The following GABRA3 variants were observed in gnomAD, a reference collection of about 807,000 sequenced individuals.
GABRA3 encodes gamma-aminobutyric acid receptor subunit alpha-3.
GABRA3 carries 10 observed loss-of-function variants against 30.1 expected under a neutral mutation model. The ratio of observed to expected loss-of-function variants is 0.33; its 90% CI spans 0.20 to 0.56. GABRA3 has a LOEUF of 0.56. Ranked by LOEUF, GABRA3 falls within the 20% of genes least tolerant of loss-of-function variation. The pLI is 0.89. For missense variants in GABRA3, 233 were observed against 392.0 expected, an observed-to-expected ratio of 0.59 and a Z score of 3.42; for synonymous variants, 151 against 146.8, an observed-to-expected ratio of 1.03 and a Z score of -0.21.
In GABRA3 at chrX:152,432,660, C is replaced by T. The variant is rs73626664; in HGVS notation, c.-27+18486G>A. ...ATACAATAAAAAAAGAATGGGATCA[C>T]ACCAGGATCTAAAATCAGTTTTATT... On this transcript the variant is annotated intron_variant, in intron 1 of 9. Coordinates refer to ENST00000370314, the MANE Select transcript of GABRA3 (RefSeq NM_000808.4). 2.8e-3 allele frequency among the ~76,000 whole-genome samples: 316 copies of T among 111,276 alleles called. 1 individual carries two copies. The highest frequency in any genetic ancestry group is 1.0e-2 in the African/African-American group (306 of 30,711).
intron 8 of GABRA3, among the ~76,000 whole-genome samples, chrX:152,192,631 A>G (rs992298273): frequency 9.8e-5 from 11 of 111,678 alleles, no homozygotes; most frequent in South Asian, 3.8e-4. Context: ...AAAAATTTAG[A>G]TATTTCAGAC....
intron 3 of GABRA3, among the ~76,000 whole-genome samples, chrX:152,328,508 A>G (rs1054402572): frequency 8.0e-5 from 9 of 112,096 alleles, no homozygotes; most frequent in Non-Finnish European, 1.7e-4. Flanking sequence ...ACCACGATCA[A>G]GTTAGCTTCA....
chrX:152,180,695 C>T (rs768542249), intron 9 of GABRA3, among the ~76,000 whole-genome samples: 35 of 111,684 alleles, frequency 3.1e-4, no homozygotes, highest in African/African-American at 1.1e-3. Flanking sequence ...ACCTTTAATC[C>T]ATTTTGAGTT....
intron 3 of GABRA3, among the ~76,000 whole-genome samples, chrX:152,322,424 TA>T (rs1221771632): frequency 8.9e-5 from 10 of 112,079 alleles, no homozygotes; most frequent in African/African-American, 3.2e-4. Context: ...TGTGGTAGCC[TA>T]ACACTGTGAA....
At chrX:152,290,291 G>C (rs926132418) in intron 3 of GABRA3, among the ~76,000 whole-genome samples, 2 of 112,114 alleles carry the variant, frequency 1.8e-5, no homozygotes, top group Non-Finnish European at 3.8e-5. Flanking sequence ...TCATGTGTCT[G>C]TTGGCTGCAT....
At chrX:152,178,510 G>A (rs1937103861) in intron 9 of GABRA3, among the ~76,000 whole-genome samples, 1 of 111,464 alleles carries the variant, frequency 9.0e-6, no homozygotes, top group South Asian at 3.7e-4. Flanking sequence ...TGAAGAGAAT[G>A]TGAATGTTTT....
At position 152,240,320 on chromosome X, in the gene GABRA3, G is replaced by A. The variant is rs1291708585; in HGVS notation, c.551+15458C>T. ...TTTTCTTTAAGAACGTTGAATATTGGCCCCCACTCTCTTCTGGCTTGTAGG... is the reference window on the plus strand; with the variant it reads ...TTTTCTTTAAGAACGTTGAATATTGACCCCCACTCTCTTCTGGCTTGTAGG... On this transcript the variant is annotated intron_variant, in intron 5 of 9. Coordinates refer to ENST00000370314, the MANE Select transcript of GABRA3 (RefSeq NM_000808.4). 3.1e-5 allele frequency among the ~76,000 whole-genome samples: 3 copies of A among 98,150 alleles called. 1 individual carries two copies. In the Admixed American group the frequency reaches 3.3e-4, roughly 11 times the overall value. The allele number at this position is 98,150 out of a possible 115,157, so 85.2% of individuals were successfully genotyped here.
chrX:152,182,232 C>T (rs1190920515), intron 9 of GABRA3, among the ~76,000 whole-genome samples: 2 of 105,622 alleles, frequency 1.9e-5, no homozygotes, highest in Non-Finnish European at 3.9e-5. Context: ...GGGATAAATC[C>T]CACTTGGTCA....
intron 9 of GABRA3, among the ~76,000 whole-genome samples, chrX:152,187,724 A>G (rs925641905): frequency 8.9e-6 from 1 of 111,755 alleles, no homozygotes; most frequent in Admixed American, 9.5e-5. Flanking sequence ...TCAGCTACTC[A>G]TTACTATCCT....
chrX:152,304,831 A>G (rs769656600), intron 3 of GABRA3, among the ~76,000 whole-genome samples: 13 of 111,716 alleles, frequency 1.2e-4, no homozygotes, highest in Non-Finnish European at 2.3e-4. Context: ...TAATTTTTCA[A>G]GTTCTGTGAA....
At chrX:152,345,962 G>A (rs1003273577) in intron 2 of GABRA3, among the ~76,000 whole-genome samples, 1 of 111,387 alleles carries the variant, frequency 9.0e-6, no homozygotes, top group Non-Finnish European at 1.9e-5. Context: ...CAACCCAGCA[G>A]TAAAGAGACA....
At chrX:152,360,689 G>A (rs1483655520) in intron 2 of GABRA3, among the ~76,000 whole-genome samples, 1 of 36,916 alleles carries the variant, frequency 2.7e-5, no homozygotes, top group South Asian at 1.4e-3. Flanking sequence ...CTAAAACTTA[G>A]AGTATAATAA....
chrX:152,341,699 C>T (rs1205186179), intron 3 of GABRA3, among the ~76,000 whole-genome samples: 1 of 107,752 alleles, frequency 9.3e-6, no homozygotes, highest in Non-Finnish European at 1.9e-5. Flanking sequence ...ACCACTACCC[C>T]CCGCTAATTT....
chrX:152,298,422 T>G (rs1422132711), intron 3 of GABRA3, among the ~76,000 whole-genome samples: 6 of 104,389 alleles, frequency 5.7e-5, no homozygotes, highest in Non-Finnish European at 1.2e-4. Context: ...CCCCTTCCTG[T>G]GTCCAAGTGT....
intron 9 of GABRA3, among the ~76,000 whole-genome samples, chrX:152,180,545 T>C (rs745975043): frequency 1.2e-4 from 13 of 112,310 alleles, no homozygotes; most frequent in African/African-American, 4.2e-4. Context: ...AGCTTTTTAG[T>C]TTGGTGTAAT....
intron 9 of GABRA3, among the ~76,000 whole-genome samples, chrX:152,173,611 C>A (rs987241844): frequency 1.2e-4 from 13 of 109,249 alleles, no homozygotes; most frequent in Non-Finnish European, 2.3e-4. Context: ...CGCTGCCCCC[C>A]TCCCCAGGAT....
chrX:152,323,131 G>A (rs113549221), intron 3 of GABRA3, among the ~76,000 whole-genome samples: 5,091 of 110,726 alleles, frequency 0.046, 148 homozygotes, highest in Non-Finnish European at 0.07. Flanking sequence ...GATTATAGGC[G>A]TGAGCCAATG....
At chrX:152,326,732 A>G (rs980663522) in intron 3 of GABRA3, among the ~76,000 whole-genome samples, 169 of 111,801 alleles carry the variant, frequency 1.5e-3, no homozygotes, top group Non-Finnish European at 2.5e-3. Context: ...AACAACTGGT[A>G]CCAACCACTG....
chrX:152,271,806 A>AGTT (rs1246062728), intron 4 of GABRA3, among the ~76,000 whole-genome samples: 8 of 108,718 alleles, frequency 7.4e-5, no homozygotes, highest in Non-Finnish European at 1.4e-4. Context: ...CCTGCATCCC[A>AGTT]GCCACTCCAG....
Sources: gnomAD v4.1 joint callset for allele counts (sites outside exome capture counted in the v4.1 genomes callset) on GRCh38, gnomAD v4.1.1 for gene constraint, MANE v1.5 for transcripts, NCBI Gene and HGNC (gene_info 2026-07-23, HGNC 2026-07-21) for gene names.